PTPRG: variants seen among roughly 807,000 people sequenced by gnomAD.
PTPRG encodes protein tyrosine phosphatase receptor type G.
In PTPRG, 102 loss-of-function variants were observed where a neutral mutation model predicts 165.3. That is an observed-to-expected ratio of 0.62 (90% CI 0.53 to 0.73). The LOEUF (loss-of-function observed/expected upper bound fraction) is 0.73, where lower values mean the gene tolerates loss of function less well. PTPRG is among the 30% of genes least tolerant of loss of function. The pLI is 0.00. For missense variants in PTPRG, 1,866 were observed against 1,861.4 expected, an observed-to-expected ratio of 1.00 and a Z score of -0.05; for synonymous variants, 675 against 669.5, an observed-to-expected ratio of 1.01 and a Z score of -0.13.
chr3:61,594,786 C>CT (rs1439205185), intron 1 of PTPRG, among the ~76,000 whole-genome samples: 1 of 152,206 alleles, frequency 6.6e-6, no homozygotes, highest in Non-Finnish European at 1.5e-5. Context: ...GGCAGTCCTG[C>CT]TTTCAAGCCT....
At chr3:62,285,715 CATT>C (rs1702626728) in intron 28 of PTPRG, among the ~76,000 whole-genome samples, 1 of 151,950 alleles carries the variant, frequency 6.6e-6, no homozygotes. Flanking sequence ...TGATCTACAT[CATT>C]ATTGTCAAAT....
chr3:61,576,073 G>A (rs1454178619), intron 1 of PTPRG, among the ~76,000 whole-genome samples: 1 of 152,198 alleles, frequency 6.6e-6, no homozygotes, highest in African/African-American at 2.4e-5. Flanking sequence ...ATCCCACAGC[G>A]AATAAAGTGG....
chr3:61,626,012 T>G (rs1418278049), intron 1 of PTPRG, among the ~76,000 whole-genome samples: 1 of 106,962 alleles, frequency 9.3e-6, no homozygotes, highest in East Asian at 2.2e-4. Flanking sequence ...GGTTTGTTTG[T>G]TTTTTTTTTT....
At chr3:61,871,422 G>T (rs755061211) in intron 2 of PTPRG, among the ~76,000 whole-genome samples, 3 of 151,774 alleles carry the variant, frequency 2.0e-5, no homozygotes, top group Non-Finnish European at 4.4e-5. Flanking sequence ...TGGAGAGATG[G>T]GGTCTTACTG....
rs1702153938 is a variant in PTPRG at position 62,273,940 on chromosome 3, C to A, written c.3465+96C>A. On this transcript the variant is annotated intron_variant, in intron 23 of 29. Coordinates refer to ENST00000474889, the MANE Select transcript of PTPRG (RefSeq NM_002841.4). This position sits in a 1 kb window ranked among gnomAD's most constrained non-coding sequence, Gnocchi z 4.1. ...TGTCTTCTTTGCATTAATGTATACA[C>A]CGAAATGGATTACTATTTGTACTCC... The A allele has an allele frequency of 1.2e-5, 14 of 1,209,272 alleles. No individual in the cohort carries two copies. Among genetic ancestry groups the A allele is most frequent in the Admixed American group, 6.2e-5 (3 of 48,456 alleles). 74.9% of individuals were successfully genotyped at this position (1,209,272 alleles called of 1,614,324 possible).
At chr3:61,753,582 A>AG (rs2033526627) in intron 2 of PTPRG, 1 of 350,270 alleles carries the variant, frequency 2.9e-6, no homozygotes, top group Non-Finnish European at 5.4e-6. Context: ...TAGAAATTTG[A>AG]GGGTTTTTTT....
intron 2 of PTPRG, among the ~76,000 whole-genome samples, chr3:61,820,077 C>G (rs557691370): frequency 5.3e-5 from 8 of 152,204 alleles, no homozygotes; most frequent in Non-Finnish European, 8.8e-5. Context: ...TTGAATCACT[C>G]ATTTGAAATT....
intron 1 of PTPRG, among the ~76,000 whole-genome samples, chr3:61,581,385 G>A (rs945426723): frequency 6.6e-6 from 1 of 152,164 alleles, no homozygotes; most frequent in African/African-American, 2.4e-5. Context: ...CACAACAGAA[G>A]CCCTGGTTTT....
intron 1 of PTPRG, among the ~76,000 whole-genome samples, chr3:61,695,654 C>T (rs1026590352): frequency 2.6e-5 from 4 of 152,124 alleles, no homozygotes; most frequent in Non-Finnish European, 5.9e-5. Flanking sequence ...TGATTTTTGA[C>T]TATTCACAAG....
chr3:61,742,996 A>G (rs552125331), intron 1 of PTPRG: 2 of 1,541,716 alleles, frequency 1.3e-6, no homozygotes. Flanking sequence ...ATAGTTCTTC[A>G]AGCTGATCTG....
At chr3:61,778,452 A>G (rs984522770) in intron 2 of PTPRG, among the ~76,000 whole-genome samples, 1 of 152,088 alleles carries the variant, frequency 6.6e-6, no homozygotes, top group Non-Finnish European at 1.5e-5. Flanking sequence ...TCCATCTGCT[A>G]TGCAGAAAAC....
In PTPRG at chr3:62,295,090, A is replaced by G. The variant is rs76411305; in HGVS notation, c.*1783A>G. On this transcript the variant is annotated 3_prime_UTR_variant, in exon 30 of 30. Transcript: ENST00000474889. Reference sequence around the variant, plus strand: ...CTTCTCAATACATAGATTTAACAACATGGAATACTCTGCTTTTCAAGAGCT... The same window carrying G: ...CTTCTCAATACATAGATTTAACAACGTGGAATACTCTGCTTTTCAAGAGCT... The G allele has an allele frequency of 1.5e-3, 233 of 152,270 alleles. 2 individuals are homozygous for G. Among genetic ancestry groups the G allele is most frequent in the African/African-American group, 5.3e-3 (219 of 41,564 alleles). 9.4% of individuals were successfully genotyped at this position (152,270 alleles called of 1,614,324 possible). A position where few individuals can be genotyped will look rare whatever the true frequency, so the allele number is the denominator to read the frequency against.
chr3:61,675,730 G>A (rs1283875573), intron 1 of PTPRG, among the ~76,000 whole-genome samples: 1 of 152,186 alleles, frequency 6.6e-6, no homozygotes, highest in East Asian at 1.9e-4. Flanking sequence ...GCTGAAACAA[G>A]GTTAGCCCTA....
rs979289873 is a variant in PTPRG at position 61,655,551 on chromosome 3, A to G, written c.85+93179A>G. Among the ~76,000 whole-genome samples the G allele has an allele frequency of 3.3e-5, 5 of 152,154 alleles. No homozygotes were observed. In the South Asian group the frequency reaches 1.0e-3, roughly 32 times the overall value. On this transcript the variant is annotated intron_variant, in intron 1 of 29. Transcript: ENST00000474889. The stretch of plus-strand genomic sequence containing the variant: ...TTGTAACTTTTTCTTGAAGATATGT[A>G]TCTTCAAGTTACTTGTACTAATGGG...
rs112990468 is a variant in PTPRG at position 62,182,775 on chromosome 3, G to T, written c.1034-8694G>T. 2.3e-3 allele frequency among the ~76,000 whole-genome samples: 355 copies of T among 152,316 alleles called. 2 individuals are homozygous for T. Among genetic ancestry groups the T allele is most frequent in the African/African-American group, 8.0e-3 (333 of 41,566 alleles). On this transcript the variant is annotated intron_variant, in intron 8 of 29. Coordinates refer to ENST00000474889, the MANE Select transcript of PTPRG (RefSeq NM_002841.4). ...TCCAGGTTCAAGCAATTCTGCCTCA[G>T]TCTCCCGAGTAGCTGGGATTACAGG...
chr3:61,607,480 C>A (rs953708316), intron 1 of PTPRG, among the ~76,000 whole-genome samples: 3 of 151,758 alleles, frequency 2.0e-5, no homozygotes, highest in Non-Finnish European at 4.4e-5. Flanking sequence ...ACTGCTCAGC[C>A]ACATCGCTAC....
intron 4 of PTPRG, among the ~76,000 whole-genome samples, chr3:62,029,727 A>C (rs999583371): frequency 6.6e-6 from 1 of 152,218 alleles, no homozygotes; most frequent in African/African-American, 2.4e-5. Flanking sequence ...ACATTCACAC[A>C]CATTAACAGA....
At chr3:61,580,841 A>G (rs891104932) in intron 1 of PTPRG, among the ~76,000 whole-genome samples, 1 of 152,256 alleles carries the variant, frequency 6.6e-6, no homozygotes, top group Admixed American at 6.5e-5. Context: ...CTTGGGTAAC[A>G]GGATATAATT....
intron 8 of PTPRG, among the ~76,000 whole-genome samples, chr3:62,186,584 T>TTTTTTTTTTG (rs1705897860): frequency 6.7e-6 from 1 of 148,192 alleles, no homozygotes. Context: ...TTTTTTTTTT[T>TTTTTTTTTTG]GAGATAGGGT....
Sources: gnomAD v4.1 joint callset for allele counts (sites outside exome capture counted in the v4.1 genomes callset) on GRCh38, gnomAD v4.1.1 for gene constraint, Gnocchi (gnomAD v3.1) non-coding constraint, MANE v1.5 for transcripts, NCBI Gene and HGNC (gene_info 2026-07-23, HGNC 2026-07-21) for gene names.